Variants in PACRG observed in about 807,000 individuals in gnomAD.
PACRG encodes the protein parkin coregulated.
PACRG carries 29 observed loss-of-function variants against 29.7 expected under a neutral mutation model. The observed-to-expected ratio is 0.98, with a 90% CI of 0.73 to 1.33. The LOEUF (loss-of-function observed/expected upper bound fraction) is 1.33. Among genes scored for constraint, PACRG ranks in the 40% most tolerant of loss-of-function variants. The pLI is 0.00. For missense variants in PACRG, 279 were observed against 316.2 expected (o/e 0.88, Z 0.89); for synonymous variants, 116 against 118.7 (o/e 0.98, Z 0.15).
chr6:163,099,288 A>G (rs1814872477), intron 4 of PACRG, among the ~76,000 whole-genome samples: 1 of 152,216 alleles, frequency 6.6e-6, no homozygotes, highest in Non-Finnish European at 1.5e-5. Context: ...TTTCCCAATC[A>G]GAGATTGCGA....
intron 2 of PACRG, among the ~76,000 whole-genome samples, chr6:162,852,160 T>C (rs181043776): frequency 3.3e-5 from 5 of 152,314 alleles, no homozygotes; most frequent in Admixed American, 3.3e-4. Context: ...ATGATGACTC[T>C]AGAACCCAGG....
intron 2 of PACRG, among the ~76,000 whole-genome samples, chr6:162,952,093 T>C (rs1162267852): frequency 1.3e-5 from 2 of 152,238 alleles, no homozygotes; most frequent in Non-Finnish European, 1.5e-5. Context: ...GTAATGATCC[T>C]TTATCTCTAC....
At chr6:162,789,677 A>G (rs1784783736) in intron 1 of PACRG, among the ~76,000 whole-genome samples, 1 of 152,178 alleles carries the variant, frequency 6.6e-6, no homozygotes, top group South Asian at 2.1e-4. Flanking sequence ...GACTTTAATT[A>G]TCTTTCAATA....
At chr6:162,730,106 TG>T (rs1483442119) in intron 1 of PACRG, among the ~76,000 whole-genome samples, 1 of 151,088 alleles carries the variant, frequency 6.6e-6, no homozygotes, top group Non-Finnish European at 1.5e-5. Context: ...AGCACAGTTC[TG>T]GGGATTTGGG....
At chr6:162,814,793 G>A (rs904617011) in intron 2 of PACRG, among the ~76,000 whole-genome samples, 6 of 152,186 alleles carry the variant, frequency 3.9e-5, no homozygotes, top group Non-Finnish European at 7.3e-5. Context: ...CAGCAAGCGC[G>A]ATGGCTGTCA....
rs146156170 is a variant in PACRG at position 163,153,011 on chromosome 6, C to A, written c.613+63603C>A. ...CAGTCTAGTGAACTAATTATGCACT[C>A]TTGATGAGATCATTAAAGGACAATA... On this transcript the variant is annotated intron_variant, in intron 4 of 4. Transcript: ENST00000366888. Among the ~76,000 whole-genome samples the A allele has an allele frequency of 3.5e-4, 54 of 152,206 alleles. 1 individual carries two copies. In the East Asian group the frequency reaches 9.7e-3, roughly 27 times the overall value.
chr6:162,839,750 C>G (rs927049854), intron 2 of PACRG, among the ~76,000 whole-genome samples: 9 of 152,098 alleles, frequency 5.9e-5, no homozygotes, highest in African/African-American at 2.2e-4. Context: ...GTCTTTAATC[C>G]ATCTTGAATT....
At chr6:163,207,411 T>C (rs534517480) in intron 4 of PACRG, among the ~76,000 whole-genome samples, 13 of 152,310 alleles carry the variant, frequency 8.5e-5, no homozygotes, top group African/African-American at 3.1e-4. Context: ...GGCCTAAAAT[T>C]TGCAACATAA....
chr6:163,094,098 T>A (rs774533984), intron 4 of PACRG, among the ~76,000 whole-genome samples: 4 of 152,182 alleles, frequency 2.6e-5, no homozygotes, highest in Non-Finnish European at 5.9e-5. Context: ...TGGGACCAAT[T>A]CTCATGCTCT....
chr6:163,048,016 A>G (rs1409499319), intron 2 of PACRG, among the ~76,000 whole-genome samples: 1 of 152,174 alleles, frequency 6.6e-6, no homozygotes, highest in Non-Finnish European at 1.5e-5. Context: ...GTGTATGGAA[A>G]TGCTATTATT....
intron 4 of PACRG, among the ~76,000 whole-genome samples, chr6:163,277,049 C>T (rs1279707807): frequency 6.6e-6 from 1 of 152,132 alleles, no homozygotes; most frequent in African/African-American, 2.4e-5. Flanking sequence ...TTTAAAATCT[C>T]CATGCCTGTC....
chr6:163,001,953 A>T (rs2128199449), intron 2 of PACRG, among the ~76,000 whole-genome samples: 1 of 152,352 alleles, frequency 6.6e-6, no homozygotes, highest in Non-Finnish European at 1.5e-5. Flanking sequence ...TATTATGCAT[A>T]AAATAATGTG....
At chr6:162,897,118 C>T (rs1795229562) in intron 2 of PACRG, among the ~76,000 whole-genome samples, 2 of 152,212 alleles carry the variant, frequency 1.3e-5, no homozygotes, top group African/African-American at 4.8e-5. Flanking sequence ...AGATTAGTTC[C>T]TGGGCAACAA....
chr6:163,044,447 A>T (rs1253257148), intron 2 of PACRG, among the ~76,000 whole-genome samples: 2 of 152,198 alleles, frequency 1.3e-5, no homozygotes, highest in African/African-American at 4.8e-5. Context: ...AATTACAGAC[A>T]TGAATCATAG....
intron 2 of PACRG, among the ~76,000 whole-genome samples, chr6:162,836,668 A>G (rs1251319634): frequency 6.6e-6 from 1 of 152,042 alleles, no homozygotes. Context: ...TTATACCTTC[A>G]ATCTTGCTCT....
At chr6:163,184,735 A>G (rs1312170270) in intron 4 of PACRG, 6 of 152,216 alleles carry the variant, frequency 3.9e-5, no homozygotes, top group Non-Finnish European at 7.3e-5. Context: ...TTAGCAACAT[A>G]AAGAAATGCA....
At chr6:162,862,140 A>G (rs1251300180) in intron 2 of PACRG, among the ~76,000 whole-genome samples, 1 of 152,218 alleles carries the variant, frequency 6.6e-6, no homozygotes, top group Non-Finnish European at 1.5e-5. Context: ...CAGAGGACTG[A>G]GGAGGTGACT....
At chr6:162,923,521 T>A (rs1797212406) in intron 2 of PACRG, among the ~76,000 whole-genome samples, 2 of 152,194 alleles carry the variant, frequency 1.3e-5, no homozygotes, top group Admixed American at 1.3e-4. Context: ...CCACTTTGAA[T>A]TGGCTTTTGT....
intron 4 of PACRG, among the ~76,000 whole-genome samples, chr6:163,285,614 G>C (rs1319896926): frequency 3.3e-5 from 5 of 152,158 alleles, no homozygotes; most frequent in Admixed American, 3.3e-4. Flanking sequence ...TAGGAAAATG[G>C]CCCAGCCCAG....
Sources: gnomAD v4.1 joint callset for allele counts (sites outside exome capture counted in the v4.1 genomes callset) on GRCh38, gnomAD v4.1.1 for gene constraint, MANE v1.5 for transcripts, NCBI Gene and HGNC (gene_info 2026-07-23, HGNC 2026-07-21) for gene names.